The following GNAL variants were observed in gnomAD, a reference collection of about 807,000 sequenced individuals.
The protein encoded by GNAL is guanine nucleotide-binding protein G(olf) subunit alpha.
Under a neutral mutation model 55.1 loss-of-function variants are expected in GNAL, and 18 were observed. The ratio of observed to expected loss-of-function variants is 0.33; its 90% CI spans 0.23 to 0.48. The LOEUF is 0.48. GNAL is among the 20% of genes least tolerant of loss of function. The pLI is 0.99. For missense variants in GNAL, 412 were observed against 614.1 expected, an observed-to-expected ratio of 0.67 and a Z score of 3.48; for synonymous variants, 253 against 237.0, an observed-to-expected ratio of 1.07 and a Z score of -0.62.
chr18:11,815,811 CTTACTT>C (rs932866852), intron 4 of GNAL, among the ~76,000 whole-genome samples: 3 of 152,126 alleles, frequency 2.0e-5, no homozygotes, highest in Non-Finnish European at 1.5e-5. Flanking sequence ...GTTGTAATCT[CTTACTT>C]TTATTTTTAA....
intron 4 of GNAL, among the ~76,000 whole-genome samples, chr18:11,812,194 G>T (rs1421338376): frequency 6.6e-6 from 1 of 152,304 alleles, no homozygotes; most frequent in African/African-American, 2.4e-5. Context: ...TGTACTGTGG[G>T]AACTGATTAG....
At chr18:11,840,869 T>C (rs538165601) in intron 5 of GNAL, among the ~76,000 whole-genome samples, 92 of 151,282 alleles carry the variant, frequency 6.1e-4, no homozygotes, top group African/African-American at 2.1e-3. Context: ...ATTTGCTTTT[T>C]CTTTTCTTTT....
rs1357087842 is a variant in GNAL, at chr18:11,689,687, C to T, written c.124C>T (p.Arg42Trp). Residue 42 changes from arginine to tryptophan, a missense_variant, in exon 1 of 12, where the codon CGG (arginine) becomes TGG (tryptophan). Arg to Trp is a moderately radical substitution (Grantham distance 101). Coordinates refer to ENST00000334049, the MANE Select transcript of GNAL (RefSeq NM_182978.4). ...PAPAPALAPV[R>W]AAARDTARTL... ...CCCGGCCCCGGCCCTGGCCCCAGTC[C>T]GGGCGGCCGCAAGGGACACGGCCCG... is the stretch of plus-strand genomic sequence containing the variant. 18 of 1,467,196 alleles carry T rather than the reference C, an allele frequency of 1.2e-5. No homozygotes were observed. The highest frequency in any genetic ancestry group is 1.6e-5 in the Non-Finnish European group (18 of 1,114,532). The allele number at this position is 1,467,196 out of a possible 1,614,324, so 90.9% of individuals were successfully genotyped here.
chr18:11,872,316 G>T lies in GNAL; in HGVS notation c.1080G>T (p.Met360Ile), dbSNP rs760388157. 6.3e-7 allele frequency: 1 copy of T among 1,577,358 alleles called. No individual in the cohort carries two copies. The highest frequency in any genetic ancestry group is 2.3e-5 in the East Asian group (1 of 43,320). ...SIILFLNKQD[M>I]LAEKVLAGKS... ...TCTTGTTCTTGAACAAACAAGATAT[G>T]CTGGCAGAAAAAGTCTTGGCAGGGA... Residue 360 changes from methionine to isoleucine, a missense_variant, in exon 10 of 12, where the codon ATG (methionine) becomes ATT (isoleucine). Met to Ile is a conservative substitution (Grantham distance 10). Transcript: ENST00000334049.
intron 4 of GNAL, among the ~76,000 whole-genome samples, chr18:11,755,764 C>CCT (rs1198555475): frequency 1.3e-5 from 2 of 152,044 alleles, no homozygotes; most frequent in Admixed American, 1.3e-4. Flanking sequence ...TTGGAGAGGG[C>CCT]AAGGGGTTGA....
At chr18:11,711,306 T>G (rs1480168704) in intron 1 of GNAL, among the ~76,000 whole-genome samples, 1 of 152,206 alleles carries the variant, frequency 6.6e-6, no homozygotes, top group African/African-American at 2.4e-5. Context: ...TTCCTCAGTT[T>G]CTTTCTTCAC....
rs564907176 is a variant in GNAL, at chr18:11,689,713, G to A, written c.150G>A (p.Arg50=). The A allele has an allele frequency of 2.0e-6, 3 of 1,495,718 alleles. No homozygotes were observed. The highest frequency in any genetic ancestry group is 4.3e-5 in the Admixed American group (2 of 45,980). 92.7% of individuals were successfully genotyped at this position (1,495,718 alleles called of 1,614,324 possible). A position where few individuals can be genotyped will look rare whatever the true frequency, so the allele number is the denominator to read the frequency against. The change falls in exon 1 of 12, where the codon CGG becomes CGA. Residue 50 remains arginine, a synonymous_variant. Coordinates refer to ENST00000334049, the MANE Select transcript of GNAL (RefSeq NM_182978.4). ...GGGCGGCCGCAAGGGACACGGCCCG[G>A]ACCCTGCTCCCTCGGGGCGGCGAAG... is the stretch of plus-strand genomic sequence containing the variant. The part of the protein sequence containing the change: ...PVRAAARDTA[R]TLLPRGGEGS...
chr18:11,820,781 A>T (rs1270440822), intron 4 of GNAL, among the ~76,000 whole-genome samples: 2 of 152,246 alleles, frequency 1.3e-5, no homozygotes, highest in Non-Finnish European at 2.9e-5. Context: ...GCTGTATGCT[A>T]GTCCAACATG....
intron 1 of GNAL, among the ~76,000 whole-genome samples, chr18:11,714,613 ACT>A (rs1359087058): frequency 6.6e-6 from 1 of 152,174 alleles, no homozygotes; most frequent in Non-Finnish European, 1.5e-5. Context: ...GTGAAGATAC[ACT>A]GTTAATTTAT....
rs868554227 is a variant in GNAL at position 11,812,572 on chromosome 18, G to A, written c.625-12346G>A. 1.3e-4 allele frequency among the ~76,000 whole-genome samples: 20 copies of A among 152,334 alleles called. No homozygotes were observed. The Middle Eastern group carries it at 0.01, about 78-fold the overall frequency. On this transcript the variant is annotated intron_variant, in intron 4 of 11. Coordinates refer to ENST00000334049, the MANE Select transcript of GNAL (RefSeq NM_182978.4). ...TAAAAATGACATTCAGGCTGGGCAC[G>A]GTGGCTCACGCCTGTAATCCCAGCA... is the stretch of plus-strand genomic sequence containing the variant.
At chr18:11,827,880 G>A (rs1264681593) in intron 5 of GNAL, among the ~76,000 whole-genome samples, 3 of 150,894 alleles carry the variant, frequency 2.0e-5, no homozygotes, top group East Asian at 2.0e-4. Flanking sequence ...CTGAGGCAGG[G>A]GAATGGCGTG....
intron 7 of GNAL, 139 bp downstream of exon 7, chr18:11,864,745 A>T: frequency 3.1e-6 from 2 of 647,622 alleles, no homozygotes; most frequent in Non-Finnish European, 2.9e-6. Flanking sequence ...TGAAATTTGA[A>T]CTCTAGCAAG....
chr18:11,714,729 T>G (rs1402464127), intron 1 of GNAL, among the ~76,000 whole-genome samples: 1 of 152,204 alleles, frequency 6.6e-6, no homozygotes, highest in Non-Finnish European at 1.5e-5. Context: ...GTGACCTATC[T>G]TCTGTCTTTG....
chr18:11,834,348 T>G (rs139015903), intron 5 of GNAL, among the ~76,000 whole-genome samples: 77 of 152,322 alleles, frequency 5.1e-4, no homozygotes, highest in African/African-American at 1.9e-3. Context: ...AAATGGGGTC[T>G]TTTGTTAAGG....
chr18:11,773,042 A>C (rs146514465), intron 4 of GNAL, among the ~76,000 whole-genome samples: 1 of 152,010 alleles, frequency 6.6e-6, no homozygotes, highest in African/African-American at 2.4e-5. Flanking sequence ...TTTGTGCTTC[A>C]CTCTCAGCAG....
At position 11,752,656 on chromosome 18, in the gene GNAL, G is replaced by T; in HGVS notation, c.377-197G>T. On this transcript the variant is annotated intron_variant, in intron 1 of 11. Transcript: ENST00000334049. The surrounding 1 kb of genome is among the most constrained non-coding windows in gnomAD (Gnocchi z 4.5). ...GGAGCGGCGAGCGCCAGGCTGGGCGGGCAGGGCCGGGCGAGGGTCGCGCGC... is the reference window on the plus strand; with the variant it reads ...GGAGCGGCGAGCGCCAGGCTGGGCGTGCAGGGCCGGGCGAGGGTCGCGCGC... 3 of 1,365,380 alleles carry T rather than the reference G, an allele frequency of 2.2e-6. No individual in the cohort carries two copies. Among genetic ancestry groups the T allele is most frequent in the Non-Finnish European group, 2.9e-6 (3 of 1,050,342 alleles). 84.6% of individuals were successfully genotyped at this position (1,365,380 alleles called of 1,614,324 possible).
At chr18:11,812,062 A>C (rs1412080470) in intron 4 of GNAL, among the ~76,000 whole-genome samples, 1 of 152,222 alleles carries the variant, frequency 6.6e-6, no homozygotes, top group Non-Finnish European at 1.5e-5. Context: ...TACAGAGAGA[A>C]TCTTAGGTCT....
At chr18:11,795,897 G>A (rs1415928638) in intron 4 of GNAL, among the ~76,000 whole-genome samples, 1 of 152,214 alleles carries the variant, frequency 6.6e-6, no homozygotes, top group Non-Finnish European at 1.5e-5. Flanking sequence ...CTTGCCATGG[G>A]TTAAGAGTAA....
chr18:11,803,910 A>G (rs12957354), intron 4 of GNAL, among the ~76,000 whole-genome samples: 7 of 149,856 alleles, frequency 4.7e-5, no homozygotes, highest in Admixed American at 2.0e-4. Context: ...GTACAGGTGC[A>G]GTTTGGATGG....
Sources: gnomAD v4.1 joint callset for allele counts (sites outside exome capture counted in the v4.1 genomes callset) on GRCh38, gnomAD v4.1.1 for gene constraint, Gnocchi (gnomAD v3.1) non-coding constraint, MANE v1.5 for transcripts, NCBI Gene and HGNC (gene_info 2026-07-23, HGNC 2026-07-21) for gene names.